Variants in POLB observed in about 807,000 individuals in gnomAD.
The protein encoded by POLB is DNA polymerase beta.
POLB carries 37 observed loss-of-function variants against 52.7 expected under a neutral mutation model. That is an observed-to-expected ratio of 0.70 (90% confidence interval 0.54 to 0.92). POLB has a LOEUF of 0.92. POLB is among the 40% of genes least tolerant of loss of function. The pLI is 0.00. For missense variants in POLB, 313 were observed against 400.8 expected, an observed-to-expected ratio of 0.78 and a Z score of 1.87; for synonymous variants, 138 against 131.3, an observed-to-expected ratio of 1.05 and a Z score of -0.35.
At chr8:42,350,477 A>T (rs545130702) in intron 5 of POLB, among the ~76,000 whole-genome samples, 1 of 152,050 alleles carries the variant, frequency 6.6e-6, no homozygotes, top group Non-Finnish European at 1.5e-5. Flanking sequence ...CAGGGTTGCT[A>T]TGTTGCCCAT....
intron 12 of POLB, 26 bp downstream of exon 12, chr8:42,369,361 C>T: frequency 1.4e-6 from 2 of 1,409,402 alleles, no homozygotes; most frequent in South Asian, 2.4e-5. Flanking sequence ...TGTTGCTGAC[C>T]TGTTAACTTT....
intron 2 of POLB, among the ~76,000 whole-genome samples, chr8:42,343,758 C>T (rs890538903): frequency 6.6e-6 from 1 of 152,156 alleles, no homozygotes; most frequent in Non-Finnish European, 1.5e-5. Context: ...CACTTTGTTA[C>T]TCAGTACAAA....
intron 4 of POLB, among the ~76,000 whole-genome samples, chr8:42,349,805 A>G (rs746511487): frequency 1.3e-5 from 2 of 152,228 alleles, no homozygotes; most frequent in African/African-American, 4.8e-5. Context: ...AAAGTATTGG[A>G]TAACTTAGAG....
At chr8:42,338,991 G>A in intron 1 of POLB, 21 bp from the exon 2 acceptor site, 1 of 1,608,726 alleles carries the variant, frequency 6.2e-7, no homozygotes, top group Non-Finnish European at 8.5e-7. Context: ...TTGTTCACCC[G>A]AGCCTTCTGT....
intron 13 of POLB, 51 bp from the exon 14 acceptor site, chr8:42,371,512 C>G: frequency 9.3e-7 from 1 of 1,076,384 alleles, no homozygotes; most frequent in Non-Finnish European, 1.4e-6. Flanking sequence ...CCCTCTATAA[C>G]TAAACTATAA....
intron 11 of POLB, among the ~76,000 whole-genome samples, chr8:42,362,983 G>C (rs1214108642): frequency 6.6e-6 from 1 of 152,110 alleles, no homozygotes; most frequent in Non-Finnish European, 1.5e-5. Flanking sequence ...AATTGGCCGG[G>C]CGTGGTGGCG....
intron 2 of POLB, chr8:42,339,645 C>G (rs2130764497): frequency 6.6e-6 from 1 of 152,286 alleles, no homozygotes; most frequent in South Asian, 2.1e-4. Context: ...CTTCCAGCCT[C>G]AAGTGATCTT....
At chr8:42,352,333 G>T (rs976612163) in intron 5 of POLB, among the ~76,000 whole-genome samples, 186 bp from the exon 6 acceptor site, 1 of 152,170 alleles carries the variant, frequency 6.6e-6, no homozygotes, top group Non-Finnish European at 1.5e-5. Context: ...ATTCATAGTT[G>T]TCTTCCTAAT....
chr8:42,343,321 CAAAAAAAAAAAAA>C (rs1157325948), intron 2 of POLB, among the ~76,000 whole-genome samples: 4 of 2,820 alleles, frequency 1.4e-3, no homozygotes, highest in South Asian at 0.01. Flanking sequence ...GACTGCGTCT[CAAAAAAAAAAAAA>C]AAAAAAAAAA....
At chr8:42,353,581 AT>A (rs1823118804) in intron 6 of POLB, among the ~76,000 whole-genome samples, 1 of 152,234 alleles carries the variant, frequency 6.6e-6, no homozygotes, top group African/African-American at 2.4e-5. Flanking sequence ...TTTTCCTTAA[AT>A]ATAGTAATCC....
rs767883396 is a variant in POLB, at chr8:42,371,663, G to C, written c.*6G>C. The C allele has an allele frequency of 1.9e-6, 3 of 1,546,944 alleles. No homozygotes were observed. Among genetic ancestry groups the C allele is most frequent in the East Asian group, 2.2e-5 (1 of 44,550 alleles). ...CCAAGGACCGGAGCGAATGAGGCCT[G>C]TATCCTCCCTGGCAGACACAACCCA... On this transcript the variant is annotated 3_prime_UTR_variant, in exon 14 of 14. Transcript: ENST00000265421.
intron 7 of POLB, 135 bp from the exon 8 acceptor site, chr8:42,357,034 G>A: frequency 1.7e-6 from 1 of 592,102 alleles, no homozygotes; most frequent in Non-Finnish European, 3.0e-6. Flanking sequence ...TGTCATCTCA[G>A]TGAATTCATT....
chr8:42,338,937 T>C, intron 1 of POLB, 75 bp from the exon 2 acceptor site: 2 of 1,284,570 alleles, frequency 1.6e-6, no homozygotes, highest in Non-Finnish European at 2.3e-6. Flanking sequence ...GAGGCTGCCA[T>C]ATCCCCTTCC....
intron 10 of POLB, among the ~76,000 whole-genome samples, chr8:42,362,030 A>G (rs1458164691): frequency 6.6e-6 from 1 of 152,226 alleles, no homozygotes. Flanking sequence ...TGGGAGGCCA[A>G]GGCAGGTGGA....
chr8:42,343,514 C>CT lies in POLB; in HGVS notation c.120-1438dup, dbSNP rs766865120. Among the ~76,000 whole-genome samples, 150 of 58,844 alleles carry CT rather than the reference C, an allele frequency of 2.5e-3. 1 individual carries two copies. Among genetic ancestry groups the CT allele is most frequent in the Non-Finnish European group, 9.1e-3 (124 of 13,616 alleles). The allele number at this position is 58,844 out of a possible 152,430, so 38.6% of individuals were successfully genotyped here. A position where few individuals can be genotyped will look rare whatever the true frequency, so the allele number is the denominator to read the frequency against. On this transcript the variant is annotated intron_variant, in intron 2 of 13. Coordinates refer to ENST00000265421, the MANE Select transcript of POLB (RefSeq NM_002690.3). Reference sequence around the variant, plus strand: ...TGCACTCCAGCCTGGGTGACTCCATCTCAAAAAAAAAGTAACATAGGTATC... The same window carrying CT: ...TGCACTCCAGCCTGGGTGACTCCATCTTCAAAAAAAAAGTAACATAGGTATC...
At chr8:42,352,918 T>C (rs1399870298) in intron 6 of POLB, among the ~76,000 whole-genome samples, 2 of 151,528 alleles carry the variant, frequency 1.3e-5, no homozygotes, top group African/African-American at 4.8e-5. Flanking sequence ...CTACTAAAAA[T>C]ACAAAATTAG....
chr8:42,354,473 T>C, intron 6 of POLB: 2 of 1,281,010 alleles, frequency 1.6e-6, no homozygotes, highest in Non-Finnish European at 2.0e-6. Flanking sequence ...TGAGTCACTT[T>C]TAGACTTAAT....
intron 2 of POLB, among the ~76,000 whole-genome samples, chr8:42,343,345 A>AATATATATATAT (rs1554531634): frequency 9.1e-5 from 3 of 33,064 alleles, no homozygotes; most frequent in Admixed American, 8.1e-4. Context: ...AAAAAAAAAA[A>AATATATATATAT]ATATATATAT....
At chr8:42,343,864 G>A (rs1822416823) in intron 2 of POLB, among the ~76,000 whole-genome samples, 1 of 152,188 alleles carries the variant, frequency 6.6e-6, no homozygotes, top group Non-Finnish European at 1.5e-5. Flanking sequence ...AGGCGTGGTG[G>A]CTCACGCCTG....
Sources: allele counts gnomAD v4.1 joint callset (sites outside exome capture counted in the v4.1 genomes callset), GRCh38; gene constraint gnomAD v4.1.1; transcripts MANE v1.5; gene names NCBI Gene and HGNC (gene_info 2026-07-23, HGNC 2026-07-21).